The following PHIP variants were observed in gnomAD, a reference collection of about 807,000 sequenced individuals.
PHIP encodes the protein PHIP subunit of CUL4-Ring ligase complex, also known as PH-interacting protein.
PHIP carries 54 observed loss-of-function variants against 236.8 expected under a neutral mutation model. The observed-to-expected ratio is 0.23, with a 90% CI of 0.18 to 0.29. The LOEUF (loss-of-function observed/expected upper bound fraction) is 0.29. Ranked by LOEUF, PHIP falls within the 10% of genes least tolerant of loss-of-function variation. PHIP has a pLI of 1.00. For synonymous variants in PHIP, 756 were observed against 718.9 expected, an observed-to-expected ratio of 1.05 and a Z score of -0.83; for missense variants, 1,370 against 2,190.8, an observed-to-expected ratio of 0.63 and a Z score of 7.48.
At chr6:78,966,407 T>C (rs1386608827) in intron 27 of PHIP, among the ~76,000 whole-genome samples, 2 of 152,122 alleles carry the variant, frequency 1.3e-5, no homozygotes, top group Non-Finnish European at 2.9e-5. Flanking sequence ...TTGCGGCAAG[T>C]TCCACTCAAC....
At position 79,048,337 on chromosome 6, in the gene PHIP, CACT is replaced by C. The variant is rs141233551; in HGVS notation, c.440-5337_440-5335del. 1.0e-3 allele frequency among the ~76,000 whole-genome samples: 153 copies of C among 152,104 alleles called. 3 individuals carry two copies. In the East Asian group the frequency reaches 0.028, roughly 28 times the overall value. On this transcript the variant is annotated intron_variant, in intron 6 of 39. Transcript: ENST00000275034. Reference sequence around the variant, plus strand: ...ATAATAAAGTTACCTCATTTTCTCTCACTACATCATTTGAACCAAGTTCACAAA... The same window carrying C: ...ATAATAAAGTTACCTCATTTTCTCTCACATCATTTGAACCAAGTTCACAAA...
rs114306857 is a variant in PHIP at position 78,994,187 on chromosome 6, G to A, written c.2202-3202C>T. On this transcript the variant is annotated intron_variant, in intron 19 of 39. Coordinates refer to ENST00000275034, the MANE Select transcript of PHIP (RefSeq NM_017934.7). ...CATAATAAAACTTTAAATGAATGAG[G>A]AGTGGCTCATGAATGAACAAAGAGG... 5.8e-3 allele frequency among the ~76,000 whole-genome samples: 891 copies of A among 152,334 alleles called. 3 individuals carry two copies. The highest frequency in any genetic ancestry group is 0.02 in the African/African-American group (821 of 41,580).
chr6:79,052,008 G>C (rs1772818547), intron 6 of PHIP, among the ~76,000 whole-genome samples: 1 of 151,796 alleles, frequency 6.6e-6, no homozygotes, highest in African/African-American at 2.4e-5. Context: ...ATGGGCTAGA[G>C]AATAAGAGGG....
chr6:78,985,413 C>CT lies in PHIP; in HGVS notation c.2475_2476insA (p.Ala826SerfsTer17), dbSNP rs1768800341. 6.3e-7 allele frequency: 1 copy of CT among 1,587,394 alleles called. No homozygotes were observed. Among genetic ancestry groups the CT allele is most frequent in the Non-Finnish European group, 8.7e-7 (1 of 1,155,864 alleles). On this transcript the variant is annotated frameshift_variant, in exon 22 of 40. Transcript: ENST00000275034. LOFTEE classifies it high-confidence loss of function. ...TCTTCGGATGTTCCACCACTGACAG[C>CT]AACTACTTCGCCTTCCTAAGATATG...
At chr6:78,983,663 C>A (rs1038357115) in intron 22 of PHIP, among the ~76,000 whole-genome samples, 1 of 152,084 alleles carries the variant, frequency 6.6e-6, no homozygotes, top group African/African-American at 2.4e-5. Flanking sequence ...AGGGGAAAGA[C>A]TGTGTTTGCA....
chr6:78,958,115 T>C (rs986957922), intron 32 of PHIP: 9 of 161,116 alleles, frequency 5.6e-5, no homozygotes, highest in Non-Finnish European at 1.1e-4. Context: ...AAGATTGTTA[T>C]TTGGGTTAGA....
At chr6:79,016,750 G>T in intron 12 of PHIP, 108 bp from the exon 13 acceptor site, 2 of 649,440 alleles carry the variant, frequency 3.1e-6, no homozygotes, top group South Asian at 2.4e-5. Context: ...CTTTATTTAT[G>T]CAGCATTCTA....
At chr6:79,048,108 G>C (rs1314171995) in intron 6 of PHIP, among the ~76,000 whole-genome samples, 1 of 150,306 alleles carries the variant, frequency 6.7e-6, no homozygotes, top group Non-Finnish European at 1.5e-5. Context: ...TATTTATTTG[G>C]GTATTCCTCT....
chr6:78,985,136 A>C (rs1768784665), intron 22 of PHIP, among the ~76,000 whole-genome samples: 1 of 152,176 alleles, frequency 6.6e-6, no homozygotes, highest in South Asian at 2.1e-4. Context: ...AAGATGATAA[A>C]GTTAAAAGCA....
At chr6:78,944,542 G>C (rs1773698403) in intron 39 of PHIP, among the ~76,000 whole-genome samples, 1 of 152,026 alleles carries the variant, frequency 6.6e-6, no homozygotes, top group Non-Finnish European at 1.5e-5. Context: ...TGTTATGGAG[G>C]GAGAAACAAC....
intron 29 of PHIP, among the ~76,000 whole-genome samples, chr6:78,965,351 A>G (rs758699231): frequency 2.0e-5 from 3 of 152,210 alleles, no homozygotes; most frequent in Non-Finnish European, 2.9e-5. Context: ...GTCTCACTCA[A>G]AAGCATGACC....
intron 20 of PHIP, 145 bp from the exon 21 acceptor site, chr6:78,988,494 G>A (rs1769010517): frequency 3.6e-6 from 2 of 550,600 alleles, no homozygotes; most frequent in Non-Finnish European, 6.2e-6. Context: ...AAGATTGCTT[G>A]AGCCTAGGAG....
At chr6:79,004,071 C>T (rs760263145) in intron 15 of PHIP, among the ~76,000 whole-genome samples, 4 of 151,998 alleles carry the variant, frequency 2.6e-5, no homozygotes, top group Non-Finnish European at 4.4e-5. Flanking sequence ...ACAGACCAAA[C>T]ACAATTCAGG....
chr6:78,990,054 C>CTGAT (rs1312483307), intron 20 of PHIP, among the ~76,000 whole-genome samples: 2 of 151,720 alleles, frequency 1.3e-5, no homozygotes, highest in Non-Finnish European at 2.9e-5. Context: ...GAGAAGAAGA[C>CTGAT]TGATTTAGGA....
intron 21 of PHIP, among the ~76,000 whole-genome samples, chr6:78,987,960 G>C (rs79186817): frequency 0.039 from 5,879 of 152,098 alleles, 110 homozygotes; most frequent in Middle Eastern, 0.058. Context: ...AAATATCTTT[G>C]AGCCTCAGAA....
intron 4 of PHIP, among the ~76,000 whole-genome samples, chr6:79,069,582 T>C (rs1027550750): frequency 6.6e-5 from 10 of 152,234 alleles, no homozygotes; most frequent in African/African-American, 2.4e-4. Context: ...CCAGGTCTCC[T>C]GATTCCAAGT....
intron 39 of PHIP, among the ~76,000 whole-genome samples, chr6:78,942,800 A>G (rs1378539138): frequency 6.6e-6 from 1 of 152,210 alleles, no homozygotes; most frequent in African/African-American, 2.4e-5. Flanking sequence ...AATCCCTTGT[A>G]ATGGTCCCAA....
intron 35 of PHIP, 90 bp from the exon 36 acceptor site, chr6:78,947,865 A>C: frequency 1.2e-6 from 1 of 811,368 alleles, no homozygotes; most frequent in Non-Finnish European, 2.0e-6. Flanking sequence ...TTTTATGATG[A>C]CTGCAAGTCC....
chr6:78,955,958 T>C (rs1029136907), intron 32 of PHIP: 17 of 224,976 alleles, frequency 7.6e-5, no homozygotes, highest in Non-Finnish European at 1.4e-4. Context: ...CTTCCATTCC[T>C]CAGTCTTCAA....
Sources: gnomAD v4.1 joint callset for allele counts (sites outside exome capture counted in the v4.1 genomes callset) on GRCh38, gnomAD v4.1.1 for gene constraint, MANE v1.5 for transcripts, NCBI Gene and HGNC (gene_info 2026-07-23, HGNC 2026-07-21) for gene names.